Variants in SLC4A4 observed in about 807,000 individuals in gnomAD.
The protein encoded by SLC4A4 is solute carrier family 4 member 4, also known as electrogenic sodium bicarbonate cotransporter 1.
SLC4A4 carries 27 observed loss-of-function variants against 111.5 expected under a neutral mutation model. That is an observed-to-expected ratio of 0.24 (90% CI 0.18 to 0.33). SLC4A4 has a LOEUF of 0.33. SLC4A4 is among the 10% of genes least tolerant of loss of function. The pLI is 1.00. For missense variants in SLC4A4, 909 were observed against 1,315.5 expected, an observed-to-expected ratio of 0.69 and a Z score of 4.78; for synonymous variants, 443 against 463.4, an observed-to-expected ratio of 0.96 and a Z score of 0.57.
At chr4:71,144,653 G>A (rs1379383607) in intron 2 of SLC4A4, among the ~76,000 whole-genome samples, 1 of 151,334 alleles carries the variant, frequency 6.6e-6, no homozygotes, top group Non-Finnish European at 1.5e-5. Flanking sequence ...TCCTTGAAGA[G>A]GTCCTTCACA....
intron 7 of SLC4A4, among the ~76,000 whole-genome samples, chr4:71,422,836 T>C (rs1490423448): frequency 6.6e-6 from 1 of 152,092 alleles, no homozygotes; most frequent in Admixed American, 6.5e-5. Context: ...TGGGATGTAT[T>C]TCAAAATAAT....
At chr4:71,065,849 T>G (rs754325588) in intron 1 of SLC4A4, among the ~76,000 whole-genome samples, 4 of 152,180 alleles carry the variant, frequency 2.6e-5, no homozygotes, top group Non-Finnish European at 5.9e-5. Flanking sequence ...TGCTATTGTA[T>G]TAGGTTGGTA....
chr4:71,477,562 C>G (rs1728481460), intron 14 of SLC4A4, among the ~76,000 whole-genome samples: 1 of 151,734 alleles, frequency 6.6e-6, no homozygotes, highest in Admixed American at 6.6e-5. Flanking sequence ...GTATTTAATA[C>G]TATTGCATTG....
chr4:71,354,460 C>T (rs1560435378), intron 5 of SLC4A4, among the ~76,000 whole-genome samples: 1 of 152,174 alleles, frequency 6.6e-6, no homozygotes, highest in Non-Finnish European at 1.5e-5. Flanking sequence ...GTCAATACTG[C>T]AACATTGTCA....
At chr4:71,150,572 T>C (rs188361517) in intron 2 of SLC4A4, among the ~76,000 whole-genome samples, 1 of 152,226 alleles carries the variant, frequency 6.6e-6, no homozygotes, top group East Asian at 1.9e-4. Context: ...CAAAATGCTA[T>C]AAAGGTGCTG....
intron 3 of SLC4A4, among the ~76,000 whole-genome samples, chr4:71,313,320 A>G (rs1334880248): frequency 6.6e-6 from 1 of 152,230 alleles, no homozygotes. Context: ...TCATGGATAC[A>G]AGAATCAATA....
At chr4:71,116,317 T>A (rs1300848545) in intron 2 of SLC4A4, among the ~76,000 whole-genome samples, 2 of 152,232 alleles carry the variant, frequency 1.3e-5, no homozygotes, top group East Asian at 3.8e-4. Flanking sequence ...CACGTTTAAG[T>A]CCAGTTGGAG....
chr4:71,448,742 T>C lies in SLC4A4; in HGVS notation c.1053+1009T>C, dbSNP rs1725488306. ...TGCTCCTGGGTCTTTCTGGGCTTAC[T>C]ATTTCCCCAAATGTATTGCTTTTGC... On this transcript the variant is annotated intron_variant, in intron 9 of 25. Transcript: ENST00000264485. Among the ~76,000 whole-genome samples, 3 of 152,204 alleles carry C rather than the reference T, an allele frequency of 2.0e-5. No homozygotes were observed. In the South Asian group the frequency reaches 6.2e-4, roughly 32 times the overall value.
chr4:71,541,355 G>A (rs1735037821), intron 18 of SLC4A4, among the ~76,000 whole-genome samples: 1 of 152,100 alleles, frequency 6.6e-6, no homozygotes, highest in South Asian at 2.1e-4. Context: ...TGAGGGCTGA[G>A]GGTTGGTTGC....
chr4:71,086,415 G>T (rs955881375), intron 1 of SLC4A4, among the ~76,000 whole-genome samples: 2 of 151,782 alleles, frequency 1.3e-5, no homozygotes, highest in African/African-American at 2.4e-5. Context: ...CTGCCTGATT[G>T]CCCTGGCCAG....
intron 2 of SLC4A4, among the ~76,000 whole-genome samples, chr4:71,123,063 A>G (rs1743477426): frequency 6.6e-6 from 1 of 152,192 alleles, no homozygotes; most frequent in African/African-American, 2.4e-5. Context: ...AAGCAAAAAT[A>G]CAATACCTGC....
At chr4:71,337,098 C>G (rs1442122691) in intron 3 of SLC4A4, among the ~76,000 whole-genome samples, 2 of 152,128 alleles carry the variant, frequency 1.3e-5, no homozygotes, top group Non-Finnish European at 2.9e-5. Flanking sequence ...CATGATTGGT[C>G]AATGATCATT....
intron 12 of SLC4A4, among the ~76,000 whole-genome samples, chr4:71,457,330 A>G (rs2149085720): frequency 6.6e-6 from 1 of 152,344 alleles, no homozygotes; most frequent in South Asian, 2.1e-4. Context: ...AGATGATTGC[A>G]TGAATTCACT....
intron 2 of SLC4A4, among the ~76,000 whole-genome samples, chr4:71,173,405 G>C (rs903540768): frequency 6.6e-6 from 1 of 151,962 alleles, no homozygotes; most frequent in Non-Finnish European, 1.5e-5. Context: ...ATTTTGAAAT[G>C]GAGTCTCCTC....
intron 16 of SLC4A4, among the ~76,000 whole-genome samples, chr4:71,511,703 A>G (rs1455201945): frequency 6.6e-6 from 1 of 152,080 alleles, no homozygotes; most frequent in Admixed American, 6.6e-5. Context: ...ACCTTTTATC[A>G]AACATTGAAT....
intron 1 of SLC4A4, among the ~76,000 whole-genome samples, chr4:71,211,136 A>G (rs1170070156): frequency 1.3e-5 from 2 of 152,182 alleles, no homozygotes. Context: ...GGGTGACTGC[A>G]TATACTTTTA....
Position 71,520,492 on chromosome 4 carries a change from A to C in SLC4A4, c.2167-11570A>C, listed in dbSNP as rs183158111. Among the ~76,000 whole-genome samples the C allele has an allele frequency of 1.1e-3, 169 of 152,336 alleles. 1 individual carries two copies. Among genetic ancestry groups the C allele is most frequent in the Non-Finnish European group, 2.0e-3 (134 of 68,034 alleles). ...ATGTGTGAGAATCCAGGACCTGTAG[A>C]TTCTAGTGCCAGCACTACCACTGAC... On this transcript the variant is annotated intron_variant, in intron 16 of 25. Coordinates refer to ENST00000264485, the MANE Select transcript of SLC4A4 (RefSeq NM_001098484.3).
chr4:71,378,426 G>T (rs1717747639), intron 6 of SLC4A4, among the ~76,000 whole-genome samples: 1 of 152,146 alleles, frequency 6.6e-6, no homozygotes, highest in Non-Finnish European at 1.5e-5. Flanking sequence ...AGGGAGGGTT[G>T]CCAGTTCAAG....
At chr4:71,178,812 C>T (rs1181931186) in intron 2 of SLC4A4, among the ~76,000 whole-genome samples, 1 of 152,154 alleles carries the variant, frequency 6.6e-6, no homozygotes, top group Non-Finnish European at 1.5e-5. Context: ...TGAAACTATT[C>T]CAATCAGTAG....
Sources: allele counts gnomAD v4.1 joint callset (sites outside exome capture counted in the v4.1 genomes callset), GRCh38; gene constraint gnomAD v4.1.1; transcripts MANE v1.5; gene names NCBI Gene and HGNC (gene_info 2026-07-23, HGNC 2026-07-21).